Variants in CDH12 observed in about 807,000 individuals in gnomAD.
CDH12 encodes the protein cadherin 12.
In CDH12, 41 loss-of-function variants were observed where a neutral mutation model predicts 74.1. The observed-to-expected ratio is 0.55, with a 90% CI of 0.43 to 0.72. The LOEUF is 0.72. Among genes scored for constraint, CDH12 ranks in the 30% least tolerant of loss-of-function variants. CDH12 has a pLI of 0.00. For synonymous variants in CDH12, 399 were observed against 355.0 expected (o/e 1.12, Z -1.39); for missense variants, 945 against 977.2 (o/e 0.97, Z 0.44).
At chr5:22,421,900 T>A (rs1211428571) in intron 2 of CDH12, among the ~76,000 whole-genome samples, 1 of 152,252 alleles carries the variant, frequency 6.6e-6, no homozygotes, top group African/African-American at 2.4e-5. Flanking sequence ...TGAGAAGGTA[T>A]CTCATTTTGG....
At chr5:22,428,645 G>C (rs1744042369) in intron 2 of CDH12, among the ~76,000 whole-genome samples, 1 of 152,142 alleles carries the variant, frequency 6.6e-6, no homozygotes. Context: ...CCTTTACTAT[G>C]TGCTTAGCCC....
intron 1 of CDH12, among the ~76,000 whole-genome samples, chr5:22,839,211 A>G (rs1736976910): frequency 6.6e-6 from 1 of 152,208 alleles, no homozygotes; most frequent in Admixed American, 6.5e-5. Context: ...ATCATACAAC[A>G]ACAAAATAGA....
chr5:22,563,248 T>C (rs1739146450), intron 1 of CDH12, among the ~76,000 whole-genome samples: 2 of 151,994 alleles, frequency 1.3e-5, no homozygotes, highest in African/African-American at 4.8e-5. Flanking sequence ...CCTGTATTTA[T>C]CTGTCTTTTT....
intron 1 of CDH12, among the ~76,000 whole-genome samples, chr5:22,606,185 A>G (rs1026724421): frequency 6.6e-6 from 1 of 152,170 alleles, no homozygotes; most frequent in African/African-American, 2.4e-5. Context: ...CAGGAGTACC[A>G]GATCTTTGAA....
chr5:21,862,864 G>A (rs1045128580), intron 6 of CDH12, among the ~76,000 whole-genome samples: 1 of 152,038 alleles, frequency 6.6e-6, no homozygotes, highest in Admixed American at 6.6e-5. Flanking sequence ...CTCTGCCATT[G>A]TCTTAACAGG....
intron 3 of CDH12, among the ~76,000 whole-genome samples, chr5:22,250,412 G>A (rs1464611660): frequency 1.3e-5 from 2 of 152,124 alleles, no homozygotes; most frequent in South Asian, 4.1e-4. Flanking sequence ...TGGGACCTCA[G>A]CTGGGGCTGT....
At chr5:22,563,645 T>C (rs996902327) in intron 1 of CDH12, among the ~76,000 whole-genome samples, 21 of 152,208 alleles carry the variant, frequency 1.4e-4, no homozygotes, top group African/African-American at 4.6e-4. Flanking sequence ...ATGGATATTG[T>C]CTTATTTTAT....
chr5:21,949,172 T>C (rs867847790), intron 6 of CDH12, among the ~76,000 whole-genome samples: 31 of 152,290 alleles, frequency 2.0e-4, no homozygotes, highest in African/African-American at 6.7e-4. Context: ...TATTTTTTAT[T>C]GTTATTGTAG....
intron 3 of CDH12, among the ~76,000 whole-genome samples, chr5:22,312,828 G>A (rs976700485): frequency 2.6e-5 from 4 of 152,110 alleles, no homozygotes; most frequent in African/African-American, 9.7e-5. Flanking sequence ...CAGATGTATG[G>A]ACATGAATTG....
chr5:21,826,795 T>G (rs1421390569), intron 8 of CDH12, among the ~76,000 whole-genome samples: 4 of 152,196 alleles, frequency 2.6e-5, no homozygotes, highest in African/African-American at 9.6e-5. Flanking sequence ...GGCACTTTTC[T>G]AAGCACGTTT....
chr5:21,921,510 T>C (rs1218129435), intron 6 of CDH12, among the ~76,000 whole-genome samples: 4 of 152,192 alleles, frequency 2.6e-5, no homozygotes, highest in South Asian at 4.1e-4. Flanking sequence ...CCAAACTATA[T>C]AGGGCTTGAG....
At chr5:22,805,485 A>G (rs1192572529) in intron 1 of CDH12, among the ~76,000 whole-genome samples, 1 of 152,134 alleles carries the variant, frequency 6.6e-6, no homozygotes, top group Non-Finnish European at 1.5e-5. Flanking sequence ...TAGAAAGTGT[A>G]AAATGTATTG....
intron 1 of CDH12, among the ~76,000 whole-genome samples, chr5:22,539,878 T>G (rs1437308025): frequency 6.6e-6 from 1 of 152,208 alleles, no homozygotes; most frequent in Non-Finnish European, 1.5e-5. Context: ...AATGATTTTA[T>G]GATGTCAGCT....
intron 5 of CDH12, among the ~76,000 whole-genome samples, chr5:22,053,156 G>C (rs914181041): frequency 2.0e-5 from 3 of 150,514 alleles, no homozygotes; most frequent in African/African-American, 7.4e-5. Context: ...AAAAATATTT[G>C]GCACGGTGCC....
chr5:22,727,068 TAA>T (rs954792640), intron 1 of CDH12, among the ~76,000 whole-genome samples: 11 of 151,794 alleles, frequency 7.2e-5, no homozygotes, highest in Non-Finnish European at 1.5e-5. Context: ...AATCTGTATA[TAA>T]TAGGAGTACA....
chr5:21,963,364 T>G (rs1052745403), intron 6 of CDH12, among the ~76,000 whole-genome samples: 1 of 152,076 alleles, frequency 6.6e-6, no homozygotes, highest in African/African-American at 2.4e-5. Flanking sequence ...TATCAACAAA[T>G]AAGCAGACAA....
At chr5:22,288,799 C>T (rs1425382205) in intron 3 of CDH12, among the ~76,000 whole-genome samples, 1 of 152,088 alleles carries the variant, frequency 6.6e-6, no homozygotes, top group Non-Finnish European at 1.5e-5. Context: ...TATTAATAGA[C>T]TTTGAATTTA....
At chr5:21,891,788 G>A (rs1014925274) in intron 6 of CDH12, among the ~76,000 whole-genome samples, 3 of 151,936 alleles carry the variant, frequency 2.0e-5, no homozygotes, top group Admixed American at 6.6e-5. Context: ...AATTCTCCTT[G>A]CTAAATGTAC....
chr5:21,886,352 G>C (rs1752629438), intron 6 of CDH12, among the ~76,000 whole-genome samples: 1 of 151,270 alleles, frequency 6.6e-6, no homozygotes, highest in Admixed American at 6.6e-5. Flanking sequence ...TGTATGCTTA[G>C]ATGTGTGAAA....
Sources: gnomAD v4.1 joint callset for allele counts (sites outside exome capture counted in the v4.1 genomes callset) on GRCh38, gnomAD v4.1.1 for gene constraint, MANE v1.5 for transcripts, NCBI Gene and HGNC (gene_info 2026-07-23, HGNC 2026-07-21) for gene names.